Variants in TRIQK observed in about 807,000 individuals in gnomAD.
TRIQK encodes the protein triple QxxK/R motif containing, also known as triple QxxK/R motif-containing protein.
TRIQK carries 10 observed loss-of-function variants against 10.8 expected under a neutral mutation model. The observed-to-expected ratio is 0.92, with a 90% CI of 0.57 to 1.57. The LOEUF is 1.57. TRIQK is among the 40% of genes most tolerant of loss of function. The probability of loss-of-function intolerance (pLI) is 0.00; values close to 1 mark genes in which losing one functional copy is unlikely to be tolerated. For missense variants in TRIQK, 107 were observed against 97.7 expected (o/e 1.09, Z -0.40); for synonymous variants, 33 against 33.7 (o/e 0.98, Z 0.07).
intron 3 of TRIQK, among the ~76,000 whole-genome samples, chr8:92,894,444 C>T (rs1230330686): frequency 6.7e-6 from 1 of 148,906 alleles, no homozygotes; most frequent in Admixed American, 6.6e-5. Context: ...GTACTTACAC[C>T]TAAGGGAAAA....
intron 2 of TRIQK, among the ~76,000 whole-genome samples, chr8:92,948,663 G>C (rs1364794756): frequency 2.6e-5 from 4 of 152,016 alleles, no homozygotes; most frequent in African/African-American, 7.2e-5. Context: ...TCTTTGTTTT[G>C]TACACTGAAG....
chr8:92,897,311 T>C (rs552119535), intron 3 of TRIQK, among the ~76,000 whole-genome samples: 2 of 152,296 alleles, frequency 1.3e-5, no homozygotes, highest in African/African-American at 2.4e-5. Flanking sequence ...AATGAATGTA[T>C]TTTGCATTGT....
At chr8:93,002,611 T>C (rs746727554) in intron 1 of TRIQK, among the ~76,000 whole-genome samples, 2 of 151,902 alleles carry the variant, frequency 1.3e-5, no homozygotes, top group Non-Finnish European at 2.9e-5. Flanking sequence ...AAATTAGTAA[T>C]AAAAAGTGTC....
intron 1 of TRIQK, among the ~76,000 whole-genome samples, chr8:92,996,616 G>C (rs947112002): frequency 6.6e-6 from 1 of 151,884 alleles, no homozygotes; most frequent in East Asian, 1.9e-4. Flanking sequence ...ATTCTTCTTT[G>C]AATATCTCAA....
intron 3 of TRIQK, among the ~76,000 whole-genome samples, chr8:92,912,306 C>G (rs917316643): frequency 2.6e-5 from 4 of 151,304 alleles, no homozygotes; most frequent in African/African-American, 9.7e-5. Flanking sequence ...GAAAAGTAAA[C>G]AAGGAACCCA....
chr8:92,977,476 T>A (rs1812944760), intron 1 of TRIQK, among the ~76,000 whole-genome samples: 1 of 152,098 alleles, frequency 6.6e-6, no homozygotes, highest in Non-Finnish European at 1.5e-5. Flanking sequence ...TAATCAGACA[T>A]TTTTCCCTAT....
At chr8:92,973,813 T>C (rs191197388) in intron 1 of TRIQK, 1 of 151,950 alleles carries the variant, frequency 6.6e-6, no homozygotes, top group East Asian at 1.9e-4. Flanking sequence ...TAGTACTCTG[T>C]TCTTTACAGA....
intron 3 of TRIQK, among the ~76,000 whole-genome samples, chr8:92,895,490 TG>T (rs1316082193): frequency 2.0e-5 from 3 of 152,094 alleles, no homozygotes; most frequent in South Asian, 2.1e-4. Context: ...AAGGTGATTC[TG>T]GGGGGTGCTC....
At chr8:92,981,306 G>T (rs190960039) in intron 1 of TRIQK, among the ~76,000 whole-genome samples, 1 of 151,434 alleles carries the variant, frequency 6.6e-6, no homozygotes, top group Admixed American at 6.6e-5. Context: ...CATTTCTTTT[G>T]ATCTCTCTTT....
chr8:92,993,491 T>C (rs1271378401), intron 1 of TRIQK, among the ~76,000 whole-genome samples: 3 of 152,166 alleles, frequency 2.0e-5, no homozygotes, highest in African/African-American at 7.2e-5. Context: ...ATACACAGGC[T>C]AATAAGTTCA....
At chr8:92,895,227 C>A (rs111286349) in intron 3 of TRIQK, among the ~76,000 whole-genome samples, 97 of 152,342 alleles carry the variant, frequency 6.4e-4, no homozygotes, top group African/African-American at 2.1e-3. Flanking sequence ...CAGGCCCCTC[C>A]AGCTTAGACT....
chr8:92,898,737 A>T (rs1249152543), intron 3 of TRIQK, among the ~76,000 whole-genome samples: 1 of 150,348 alleles, frequency 6.7e-6, no homozygotes, highest in African/African-American at 2.4e-5. Flanking sequence ...TTAAAAGCTC[A>T]GTGTTGGTAA....
At chr8:93,001,175 C>T (rs112324175) in intron 1 of TRIQK, among the ~76,000 whole-genome samples, 4,814 of 151,626 alleles carry the variant, frequency 0.032, 121 homozygotes, top group South Asian at 0.049. Context: ...GGCATGGTGG[C>T]GGGTAGCTGT....
At chr8:92,918,778 C>G (rs1331279435) in intron 2 of TRIQK, among the ~76,000 whole-genome samples, 1 of 150,308 alleles carries the variant, frequency 6.7e-6, no homozygotes, top group Admixed American at 6.6e-5. Context: ...AGATCTTACC[C>G]CCCCCCACAA....
intron 3 of TRIQK, among the ~76,000 whole-genome samples, chr8:92,909,493 G>A (rs1049686781): frequency 2.0e-5 from 3 of 151,718 alleles, no homozygotes; most frequent in South Asian, 2.1e-4. Context: ...TAAACATCTC[G>A]GGCAAATTTT....
At chr8:92,905,273 G>C (rs544756250) in intron 3 of TRIQK, among the ~76,000 whole-genome samples, 2 of 152,226 alleles carry the variant, frequency 1.3e-5, no homozygotes, top group South Asian at 4.2e-4. Flanking sequence ...TATATCAACA[G>C]CCATGAACAA....
chr8:92,901,387 T>TA (rs1808929993), intron 3 of TRIQK, among the ~76,000 whole-genome samples: 4 of 152,204 alleles, frequency 2.6e-5, no homozygotes, highest in Admixed American at 2.6e-4. Context: ...GGGTCTGTCA[T>TA]ATATGGCTTT....
chr8:92,959,583 T>C (rs1178268214), intron 1 of TRIQK, among the ~76,000 whole-genome samples: 1 of 151,944 alleles, frequency 6.6e-6, no homozygotes, highest in African/African-American at 2.4e-5. Context: ...TCGGGTCTTT[T>C]TCCTCAAAAG....
chr8:92,892,535 T>C (rs1816819254), intron 3 of TRIQK, among the ~76,000 whole-genome samples: 1 of 151,950 alleles, frequency 6.6e-6, no homozygotes, highest in East Asian at 1.9e-4. Context: ...CAAGTTTCCT[T>C]TAAGTAAAAG....
Sources: allele counts gnomAD v4.1 joint callset (sites outside exome capture counted in the v4.1 genomes callset), GRCh38; gene constraint gnomAD v4.1.1; transcripts MANE v1.5; gene names NCBI Gene and HGNC (gene_info 2026-07-23, HGNC 2026-07-21).